MRPL28: variants seen among roughly 807,000 people sequenced by gnomAD.
MRPL28 encodes mitochondrial ribosomal protein L28, also known as large ribosomal subunit protein bL28m.
MRPL28 carries 25 observed loss-of-function variants against 26.2 expected under a neutral mutation model. That is an observed-to-expected ratio of 0.95 (90% CI 0.69 to 1.33). MRPL28 has a LOEUF of 1.33. MRPL28 is among the 40% of genes most tolerant of loss of function. The probability of loss-of-function intolerance (pLI) is 0.00; values close to 1 mark genes in which losing one functional copy is unlikely to be tolerated. For missense variants in MRPL28, 432 were observed against 327.2 expected (o/e 1.32, Z -2.47); for synonymous variants, 227 against 140.1 (o/e 1.62, Z -4.38).
At chr16:368,713 C>T in intron 3 of MRPL28, 78 bp from the exon 4 acceptor site, 4 of 1,506,428 alleles carry the variant, frequency 2.7e-6, no homozygotes, top group Non-Finnish European at 3.5e-6. Context: ...CCTGGCTCCT[C>T]TCTAGCCGCT....
In MRPL28 at chr16:368,393, C is replaced by T. The variant is rs111914753; in HGVS notation, c.598G>A (p.Glu200Lys). The part of the protein sequence containing the change: ...KYKEFAIPEE[E>K]AEWVGLTLEE... ...AGCGTGAGGCCCACCCACTCTGCCT[C>T]CTCCTCTGGGATGGCAAATTCCTAG... is the stretch of plus-strand genomic sequence containing the variant. The change falls in exon 5 of 6, where the codon GAG (glutamate) becomes AAG (lysine). Residue 200 changes from glutamate to lysine, a missense_variant. Coordinates refer to ENST00000199706, the MANE Select transcript of MRPL28 (RefSeq NM_006428.5). The T allele has an allele frequency of 6.2e-7, 1 of 1,613,860 alleles. No homozygotes were observed. The highest frequency in any genetic ancestry group is 1.1e-5 in the South Asian group (1 of 91,084).
intron 2 of MRPL28, 120 bp from the exon 3 acceptor site, chr16:369,340 C>T (rs1032811622): frequency 8.3e-6 from 11 of 1,325,798 alleles, no homozygotes; most frequent in Non-Finnish European, 1.0e-5. Context: ...TGCTGTCAGA[C>T]TGGGGACCTA....
chr16:369,806 T>A (rs958309187), intron 2 of MRPL28, 125 bp downstream of exon 2: 4 of 1,220,002 alleles, frequency 3.3e-6, no homozygotes, highest in Non-Finnish European at 4.6e-6. Context: ...TTGCCGGAGA[T>A]GTGTCGCCTC....
In MRPL28 at chr16:369,235, G is replaced by C. The variant is rs1187151697; in HGVS notation, c.289-15C>G. 2 of 1,612,978 alleles carry C rather than the reference G, an allele frequency of 1.2e-6. No individual in the cohort carries two copies. The highest frequency in any genetic ancestry group is 1.7e-6 in the Non-Finnish European group (2 of 1,179,352). On this transcript the variant is annotated splice_polypyrimidine_tract_variant and intron_variant, in intron 2 of 5. Transcript: ENST00000199706. ...CTCTTGGAGAGCTGAGGGTGCAACA[G>C]AGCCTCCATGAGTACTGCTGCTTTC...
chr16:368,456 G>A (rs370720498), intron 4 of MRPL28, 42 bp from the exon 5 acceptor site: 120 of 1,613,020 alleles, frequency 7.4e-5, no homozygotes, highest in Non-Finnish European at 8.9e-5. Context: ...GCCCAGGGCC[G>A]GGCCACGAGT....
Position 368,611 on chromosome 16 carries a change from T to TG in MRPL28, c.465dup (p.Lys156GlnfsTer58). 6.3e-7 allele frequency: 1 copy of TG among 1,579,354 alleles called. No homozygotes were observed. The highest frequency in any genetic ancestry group is 8.6e-7 in the Non-Finnish European group (1 of 1,159,338). ...CCTCGCTTCAGGTCCATCCCAAACT[T>TG]GGAGCACAGGTCCTCCTTCGGGGTC... On this transcript the variant is annotated frameshift_variant, in exon 4 of 6. Coordinates refer to ENST00000199706, the MANE Select transcript of MRPL28 (RefSeq NM_006428.5). LOFTEE classifies it high-confidence loss of function.
rs777579750 is a variant in MRPL28, at chr16:368,355, A to G, written c.636T>C (p.Ile212=). The change falls in exon 5 of 6, where the codon ATT becomes ATC. Residue 212 remains isoleucine (I), a synonymous_variant. Coordinates refer to ENST00000199706, the MANE Select transcript of MRPL28 (RefSeq NM_006428.5). ...EWVGLTLEEA[I]EKQRLLEEKD... ...TCTCCTCCAAAAGTCTCTGCTTCTCAATGGCCTCCTCCAGCGTGAGGCCCA... is the reference window on the plus strand; with the variant it reads ...TCTCCTCCAAAAGTCTCTGCTTCTCGATGGCCTCCTCCAGCGTGAGGCCCA... The G allele has an allele frequency of 1.9e-6, 3 of 1,613,700 alleles. No individual in the cohort carries two copies. The highest frequency in any genetic ancestry group is 2.2e-5 in the East Asian group (1 of 44,878).
At chr16:368,938 C>A in intron 3 of MRPL28, 130 bp downstream of exon 3, 1 of 1,229,892 alleles carries the variant, frequency 8.1e-7, no homozygotes, top group Non-Finnish European at 1.1e-6. Context: ...CATGGCCCCA[C>A]TCACGCTTTC....
Position 370,110 on chromosome 16 carries a change from T to A in MRPL28, c.109A>T (p.Thr37Ser), listed in dbSNP as rs777670523. 8.7e-6 allele frequency: 14 copies of A among 1,609,818 alleles called. No homozygotes were observed. Among genetic ancestry groups the A allele is most frequent in the South Asian group, 4.4e-5 (4 of 90,766 alleles). Residue 37 changes from threonine (T) to serine (S), a missense_variant, in exon 2 of 6, where the codon ACG (threonine) becomes TCG (serine). Physicochemically the swap from Thr to Ser is moderately conservative, Grantham distance 58. Coordinates refer to ENST00000199706, the MANE Select transcript of MRPL28 (RefSeq NM_006428.5). ...HYLRSLEEER[T>S]PTPVHYRPHG... ...GGCCTATAGTGCACGGGAGTGGGCGTCCGCTCCTCCTCCAGGGAGCGCAGG... is the reference window on the plus strand; with the variant it reads ...GGCCTATAGTGCACGGGAGTGGGCGACCGCTCCTCCTCCAGGGAGCGCAGG...
In MRPL28 at chr16:369,230, C is replaced by T. The variant is rs1426692776; in HGVS notation, c.289-10G>A. ...TCAGCCTCTTGGAGAGCTGAGGGTGCAACAGAGCCTCCATGAGTACTGCTG... is the reference window on the plus strand; with the variant it reads ...TCAGCCTCTTGGAGAGCTGAGGGTGTAACAGAGCCTCCATGAGTACTGCTG... On this transcript the variant is annotated splice_polypyrimidine_tract_variant and intron_variant, in intron 2 of 5. Transcript: ENST00000199706. 6.2e-7 allele frequency: 1 copy of T among 1,613,216 alleles called. No individual in the cohort carries two copies.
In MRPL28 at chr16:367,507, C is replaced by A; in HGVS notation, c.*168G>T. On this transcript the variant is annotated 3_prime_UTR_variant, in exon 6 of 6. Transcript: ENST00000199706. ...TGGGCGGCCCAGGCCTCCTGGGGAT[C>A]CCTGCCAAGCTGGCCCCGGGCTGGA... 1 of 734,180 alleles carries A rather than the reference C, an allele frequency of 1.4e-6. No homozygotes were observed. The highest frequency in any genetic ancestry group is 2.5e-6 in the Non-Finnish European group (1 of 405,326). The allele number at this position is 734,180 out of a possible 1,614,324, so 45.5% of individuals were successfully genotyped here. A position where few individuals can be genotyped will look rare whatever the true frequency, so the allele number is the denominator to read the frequency against.
At position 367,433 on chromosome 16, in the gene MRPL28, C is replaced by G. The variant is rs1401838149; in HGVS notation, c.*242G>C. On this transcript the variant is annotated 3_prime_UTR_variant, in exon 6 of 6. Coordinates refer to ENST00000199706, the MANE Select transcript of MRPL28 (RefSeq NM_006428.5). ...CTTTACTCGCTCCCGGCCCCACGGG[C>G]ACAAGGAACACTGCCGCAAACGTCG... 1 of 714,134 alleles carries G rather than the reference C, an allele frequency of 1.4e-6. No individual in the cohort carries two copies. Among genetic ancestry groups the G allele is most frequent in the Admixed American group, 2.0e-5 (1 of 49,852 alleles). The allele number at this position is 714,134 out of a possible 1,614,324, so 44.2% of individuals were successfully genotyped here.
intron 2 of MRPL28, 138 bp from the exon 3 acceptor site, chr16:369,358 C>A: frequency 8.6e-7 from 1 of 1,160,012 alleles, no homozygotes. Context: ...CTAGAGCTAA[C>A]TGGGCCGGCC....
At chr16:367,905 G>A (rs1052066318) in intron 5 of MRPL28, 123 bp from the exon 6 acceptor site, 14 of 765,618 alleles carry the variant, frequency 1.8e-5, no homozygotes, top group East Asian at 2.7e-5. Context: ...GGAGGGCAGA[G>A]TCCTGTCGGT....
Position 367,342 on chromosome 16 carries a change from G to T in MRPL28, c.*333C>A. On this transcript the variant is annotated 3_prime_UTR_variant, in exon 6 of 6. Transcript: ENST00000199706. ...GGGGCAGCAAGGGCAGGGGTGACAG[G>T]ATCAGGATCCCCAAAGAGAACACCA... is the stretch of plus-strand genomic sequence containing the variant. The T allele has an allele frequency of 1.6e-6, 1 of 638,250 alleles. No homozygotes were observed. Among genetic ancestry groups the T allele is most frequent in the South Asian group, 1.8e-5 (1 of 57,020 alleles). 39.5% of individuals were successfully genotyped at this position (638,250 alleles called of 1,614,324 possible). A position where few individuals can be genotyped will look rare whatever the true frequency, so the allele number is the denominator to read the frequency against.
Position 370,096 on chromosome 16 carries a change from C to T in MRPL28, c.123G>A (p.Val41=), listed in dbSNP as rs778585293. ...SLEEERTPTP[V]HYRPHGAKFK... ...ACTTGGCCCCATGAGGCCTATAGTG[C>T]ACGGGAGTGGGCGTCCGCTCCTCCT... The change falls in exon 2 of 6, where the codon GTG becomes GTA. Residue 41 remains valine (V), a synonymous_variant. Coordinates refer to ENST00000199706, the MANE Select transcript of MRPL28 (RefSeq NM_006428.5). The T allele has an allele frequency of 6.2e-7, 1 of 1,611,282 alleles. No homozygotes were observed. The highest frequency in any genetic ancestry group is 1.1e-5 in the South Asian group (1 of 90,906).
chr16:367,930 C>T (rs2054275404), intron 5 of MRPL28, 148 bp from the exon 6 acceptor site: 2 of 670,928 alleles, frequency 3.0e-6, no homozygotes, highest in Non-Finnish European at 5.2e-6. Context: ...TGAGGAACCC[C>T]CTCCCTTGGG....
At chr16:369,708 T>C (rs1308824912) in intron 2 of MRPL28, 11 of 713,024 alleles carry the variant, frequency 1.5e-5, no homozygotes, top group Admixed American at 8.6e-5. Flanking sequence ...CGGCCTCTGG[T>C]TGCTCCCCCG....
chr16:369,905 C>A (rs116402878), intron 2 of MRPL28, 26 bp downstream of exon 2: 2 of 1,589,858 alleles, frequency 1.3e-6, no homozygotes, highest in Admixed American at 3.4e-5. Flanking sequence ...CTGAGAGGAG[C>A]CCCTGAAGGC....
Sources: gnomAD v4.1 joint callset for allele counts on GRCh38, gnomAD v4.1.1 for gene constraint, MANE v1.5 for transcripts, NCBI Gene and HGNC (gene_info 2026-07-23, HGNC 2026-07-21) for gene names.